RBFOX1: variants seen among roughly 807,000 people sequenced by gnomAD.
RBFOX1 encodes the protein RNA binding protein fox-1 homolog 1.
A neutral mutation model predicts 57.7 loss-of-function variants in RBFOX1; 8 were observed. The observed-to-expected ratio is 0.14, with a 90% confidence interval of 0.08 to 0.25. The LOEUF is 0.25. Among genes scored for constraint, RBFOX1 ranks in the 10% least tolerant of loss-of-function variants. The pLI is 1.00. For synonymous variants in RBFOX1, 326 were observed against 222.4 expected, an observed-to-expected ratio of 1.47 and a Z score of -4.15; for missense variants, 611 against 548.5, an observed-to-expected ratio of 1.11 and a Z score of -1.14.
At chr16:5,964,618 ACATATAC>A (rs2059809419) in intron 4 of RBFOX1, among the ~76,000 whole-genome samples, 1 of 152,088 alleles carries the variant, frequency 6.6e-6, no homozygotes, top group Non-Finnish European at 1.5e-5. Context: ...TATATATCTC[ACATATAC>A]CATATACACA....
At chr16:6,607,054 G>T (rs930443182) in intron 2 of RBFOX1, among the ~76,000 whole-genome samples, 5 of 152,094 alleles carry the variant, frequency 3.3e-5, no homozygotes, top group South Asian at 2.1e-4. Flanking sequence ...GCCAAAAATG[G>T]CTATACATTT....
chr16:6,545,452 T>A, intron 2 of RBFOX1, among the ~76,000 whole-genome samples: 1 of 152,210 alleles, frequency 6.6e-6, no homozygotes, highest in East Asian at 1.9e-4. Flanking sequence ...GTCCTCCATG[T>A]CATTTCTGTT....
At chr16:6,774,480 C>T (rs1246913073) in intron 3 of RBFOX1, among the ~76,000 whole-genome samples, 1 of 152,166 alleles carries the variant, frequency 6.6e-6, no homozygotes, top group African/African-American at 2.4e-5. Flanking sequence ...CCTTTTGTCT[C>T]TGCTACCAAG....
intron 4 of RBFOX1, among the ~76,000 whole-genome samples, chr16:7,513,440 A>T (rs181340490): frequency 6.6e-6 from 1 of 152,236 alleles, no homozygotes; most frequent in African/African-American, 2.4e-5. Context: ...AGCATCTTTG[A>T]TGACAAGGTA....
intron 4 of RBFOX1, among the ~76,000 whole-genome samples, chr16:7,396,331 A>G (rs975346643): frequency 2.0e-5 from 3 of 152,160 alleles, no homozygotes; most frequent in Non-Finnish European, 2.9e-5. Flanking sequence ...GTAAACGGGC[A>G]TACCTCAGTT....
intron 3 of RBFOX1, among the ~76,000 whole-genome samples, chr16:6,828,145 A>C (rs1274408874): frequency 2.6e-5 from 4 of 152,198 alleles, no homozygotes; most frequent in African/African-American, 9.6e-5. Context: ...AATTTGGCTT[A>C]AGGAGGAAGG....
intron 4 of RBFOX1, among the ~76,000 whole-genome samples, chr16:7,207,013 C>G (rs1002386922): frequency 6.6e-6 from 1 of 152,142 alleles, no homozygotes; most frequent in African/African-American, 2.4e-5. Flanking sequence ...CAGCTCAGTG[C>G]AATGCCATGC....
Position 7,373,056 on chromosome 16 carries a change from C to T in RBFOX1, c.28-145091C>T, listed in dbSNP as rs549168264. ...TAGCCATTCTCTTGCCTCAGCCTCC[C>T]GAGTAGCTGGGACTACAGGTGCCTG... On this transcript the variant is annotated intron_variant, in intron 4 of 15. Transcript: ENST00000550418. Among the ~76,000 whole-genome samples, 352 of 151,916 alleles carry T rather than the reference C, an allele frequency of 2.3e-3. 2 individuals carry two copies. Among genetic ancestry groups the T allele is most frequent in the African/African-American group, 8.0e-3 (332 of 41,432 alleles).
chr16:5,714,667 C>T (rs931896062), intron 3 of RBFOX1, among the ~76,000 whole-genome samples: 6 of 152,190 alleles, frequency 3.9e-5, no homozygotes, highest in Admixed American at 3.9e-4. Flanking sequence ...TTTGTCATCT[C>T]TGCAAGAGTA....
chr16:6,939,931 G>A (rs1316671130), intron 3 of RBFOX1, among the ~76,000 whole-genome samples: 4 of 152,120 alleles, frequency 2.6e-5, no homozygotes, highest in African/African-American at 9.7e-5. Flanking sequence ...CACAACTCTG[G>A]TTTAAATGAT....
intron 3 of RBFOX1, among the ~76,000 whole-genome samples, chr16:6,945,719 C>T (rs893586555): frequency 5.9e-5 from 9 of 152,008 alleles, no homozygotes; most frequent in African/African-American, 1.4e-4. Flanking sequence ...GGTGAAAACC[C>T]GTCTCTACTA....
chr16:5,244,167 G>T (rs1204884030), intron 1 of RBFOX1, among the ~76,000 whole-genome samples: 1 of 152,222 alleles, frequency 6.6e-6, no homozygotes, highest in African/African-American at 2.4e-5. Flanking sequence ...AAGGTGCTGA[G>T]ATCACAGGTG....
chr16:6,678,344 G>A (rs1361613148), intron 3 of RBFOX1, among the ~76,000 whole-genome samples: 1 of 152,044 alleles, frequency 6.6e-6, no homozygotes, highest in Non-Finnish European at 1.5e-5. Flanking sequence ...AGGCTGGTTT[G>A]AACTCCTGAC....
intron 14 of RBFOX1, among the ~76,000 whole-genome samples, chr16:7,701,324 G>T (rs903967124): frequency 6.6e-6 from 1 of 151,750 alleles, no homozygotes; most frequent in Non-Finnish European, 1.5e-5. Context: ...GGTGAGCAAC[G>T]CTTCCTGTTT....
At chr16:7,580,076 T>C (rs1602381051) in intron 6 of RBFOX1, among the ~76,000 whole-genome samples, 156 bp downstream of exon 6, 1 of 152,162 alleles carries the variant, frequency 6.6e-6, no homozygotes. Context: ...GTGGCTAGAA[T>C]CTCTTTATGG....
chr16:7,645,850 T>C (rs577786392), intron 11 of RBFOX1, among the ~76,000 whole-genome samples: 1 of 152,222 alleles, frequency 6.6e-6, no homozygotes, highest in East Asian at 1.9e-4. Context: ...TAAATGTATG[T>C]GTATATGAGA....
At chr16:7,560,532 CAA>C (rs35756861) in intron 5 of RBFOX1, among the ~76,000 whole-genome samples, 9 of 135,882 alleles carry the variant, frequency 6.6e-5, no homozygotes, top group Non-Finnish European at 6.3e-5. Flanking sequence ...TGTAGAGTAT[CAA>C]AAAAAAAAAA....
intron 4 of RBFOX1, among the ~76,000 whole-genome samples, chr16:5,941,183 A>G (rs1291343068): frequency 6.6e-6 from 1 of 152,112 alleles, no homozygotes; most frequent in Admixed American, 6.5e-5. Flanking sequence ...CACTACAATA[A>G]TGTAGTTTTA....
chr16:6,467,153 A>C (rs1255390322), intron 2 of RBFOX1, among the ~76,000 whole-genome samples: 1 of 151,038 alleles, frequency 6.6e-6, no homozygotes, highest in Non-Finnish European at 1.5e-5. Context: ...AGTTTACTTA[A>C]TATATTAGTT....
Sources: gnomAD v4.1 joint callset for allele counts (sites outside exome capture counted in the v4.1 genomes callset) on GRCh38, gnomAD v4.1.1 for gene constraint, MANE v1.5 for transcripts, NCBI Gene and HGNC (gene_info 2026-07-23, HGNC 2026-07-21) for gene names.